The following CYYR1 variants were observed in gnomAD, a reference collection of about 807,000 sequenced individuals.
CYYR1 encodes the protein cysteine and tyrosine-rich protein 1.
A neutral mutation model predicts 15.2 loss-of-function variants in CYYR1; 14 were observed. The ratio of observed to expected loss-of-function variants is 0.92; its 90% CI spans 0.61 to 1.44. CYYR1 has a LOEUF of 1.44. CYYR1 is among the 40% of genes most tolerant of loss of function. CYYR1 has a pLI of 0.00. For synonymous variants in CYYR1, 80 were observed against 77.4 expected, an observed-to-expected ratio of 1.03 and a Z score of -0.18; for missense variants, 228 against 209.5, an observed-to-expected ratio of 1.09 and a Z score of -0.54.
At chr21:26,529,905 T>C (rs1292854582) in intron 2 of CYYR1, among the ~76,000 whole-genome samples, 1 of 152,202 alleles carries the variant, frequency 6.6e-6, no homozygotes, top group African/African-American at 2.4e-5. Context: ...AAAGGCTCCT[T>C]TCTTGAAAAC....
At chr21:26,476,575 C>T (rs902692090) in intron 3 of CYYR1, among the ~76,000 whole-genome samples, 1 of 133,194 alleles carries the variant, frequency 7.5e-6, no homozygotes, top group Non-Finnish European at 1.6e-5. Context: ...TGTTTGTCTA[C>T]CCTATCTATC....
chr21:26,502,792 A>C lies in CYYR1; in HGVS notation c.177-22363T>G, dbSNP rs191853364. 1.6e-3 allele frequency among the ~76,000 whole-genome samples: 245 copies of C among 151,886 alleles called. 1 individual carries two copies. Among genetic ancestry groups the C allele is most frequent in the Middle Eastern group, 3.4e-3 (1 of 294 alleles). ...CAGTGAGCTATAGGTAATGTTGGAGAAGAGATTTTTTAAAAAATCTCTTAT... is the reference window on the plus strand; with the variant it reads ...CAGTGAGCTATAGGTAATGTTGGAGCAGAGATTTTTTAAAAAATCTCTTAT... On this transcript the variant is annotated intron_variant, in intron 2 of 3. Transcript: ENST00000652641.
intron 2 of CYYR1, among the ~76,000 whole-genome samples, chr21:26,533,053 G>T (rs1450742856): frequency 6.6e-6 from 1 of 151,568 alleles, no homozygotes; most frequent in South Asian, 2.1e-4. Flanking sequence ...AAATACTTCT[G>T]GTCCCATGCA....
At chr21:26,567,001 T>G (rs1569181387) in intron 1 of CYYR1, among the ~76,000 whole-genome samples, 5 of 96,932 alleles carry the variant, frequency 5.2e-5, no homozygotes, top group Admixed American at 3.5e-4. Flanking sequence ...ACAGTGAGGC[T>G]CTGTCTCAAA....
At chr21:26,478,303 G>C (rs1478333553) in intron 3 of CYYR1, among the ~76,000 whole-genome samples, 1 of 152,036 alleles carries the variant, frequency 6.6e-6, no homozygotes, top group African/African-American at 2.4e-5. Context: ...ATTAAATCAG[G>C]GCAGACTCCA....
chr21:26,566,988 G>A (rs1212234520), intron 1 of CYYR1, among the ~76,000 whole-genome samples: 2 of 144,288 alleles, frequency 1.4e-5, no homozygotes, highest in African/African-American at 2.6e-5. Flanking sequence ...CAGCCTGGGC[G>A]ACACAGTGAG....
At position 26,466,609 on chromosome 21, in the gene CYYR1, C is replaced by T. The variant is rs1451505283; in HGVS notation, c.*1892G>A. On this transcript the variant is annotated 3_prime_UTR_variant, in exon 4 of 4. Transcript: ENST00000652641. ...ATGAGAAAACCCTATTTCTGCTGAT[C>T]TTTCCTTTCCGTTTTCCTTAAAGAA... 1 of 152,132 alleles carries T rather than the reference C, an allele frequency of 6.6e-6. No homozygotes were observed. Among genetic ancestry groups the T allele is most frequent in the Non-Finnish European group, 1.5e-5 (1 of 68,008 alleles). 9.4% of individuals were successfully genotyped at this position (152,132 alleles called of 1,614,324 possible). A position where few individuals can be genotyped will look rare whatever the true frequency, so the allele number is the denominator to read the frequency against.
chr21:26,510,244 G>T (rs2065628473), intron 2 of CYYR1, among the ~76,000 whole-genome samples: 1 of 152,122 alleles, frequency 6.6e-6, no homozygotes, highest in African/African-American at 2.4e-5. Flanking sequence ...TAGGAAACCT[G>T]CCCAGATAAG....
chr21:26,559,146 A>G (rs945354237), intron 2 of CYYR1, among the ~76,000 whole-genome samples: 1 of 152,184 alleles, frequency 6.6e-6, no homozygotes, highest in African/African-American at 2.4e-5. Context: ...CTTACGGAGT[A>G]TTTGAGCCCA....
chr21:26,564,170 C>T (rs748380003), intron 2 of CYYR1, among the ~76,000 whole-genome samples: 111 of 151,626 alleles, frequency 7.3e-4, no homozygotes, highest in South Asian at 2.7e-3. Context: ...CCTGCATCGC[C>T]GACCACCCAT....
At chr21:26,473,605 G>A (rs71317468) in intron 3 of CYYR1, among the ~76,000 whole-genome samples, 1 of 151,962 alleles carries the variant, frequency 6.6e-6, no homozygotes, top group Non-Finnish European at 1.5e-5. Context: ...GTCTGTCACC[G>A]CACCCTCTTT....
chr21:26,478,068 G>T, intron 3 of CYYR1: 1 of 1,549,430 alleles, frequency 6.5e-7, no homozygotes, highest in Non-Finnish European at 8.7e-7. Flanking sequence ...ACCAGGCCTG[G>T]TCTTACATGC....
chr21:26,512,968 C>G (rs2065670858), intron 2 of CYYR1, among the ~76,000 whole-genome samples: 1 of 152,192 alleles, frequency 6.6e-6, no homozygotes, highest in Non-Finnish European at 1.5e-5. Flanking sequence ...TTTTCACAAT[C>G]TGGATGCAGA....
chr21:26,539,732 G>A (rs1470407147), intron 2 of CYYR1, among the ~76,000 whole-genome samples: 2 of 152,132 alleles, frequency 1.3e-5, no homozygotes, highest in Non-Finnish European at 2.9e-5. Context: ...ATTTCAAAAT[G>A]TTGCTTCTTT....
chr21:26,508,137 G>A (rs1412694015), intron 2 of CYYR1, among the ~76,000 whole-genome samples: 2 of 152,182 alleles, frequency 1.3e-5, no homozygotes, highest in East Asian at 1.9e-4. Flanking sequence ...CCATGAGAGG[G>A]CATGGCATTT....
chr21:26,560,579 A>G (rs545363107), intron 2 of CYYR1, among the ~76,000 whole-genome samples: 2 of 152,280 alleles, frequency 1.3e-5, no homozygotes, highest in African/African-American at 2.4e-5. Context: ...TTTAAAATAT[A>G]TATTTATTAG....
chr21:26,484,475 G>A (rs1306535816), intron 2 of CYYR1, among the ~76,000 whole-genome samples: 3 of 152,022 alleles, frequency 2.0e-5, no homozygotes, highest in Non-Finnish European at 1.5e-5. Context: ...AGACATATTT[G>A]GATGTGTTGC....
intron 2 of CYYR1, among the ~76,000 whole-genome samples, 155 bp from the exon 3 acceptor site, chr21:26,480,584 A>G (rs2065165981): frequency 6.6e-6 from 1 of 150,808 alleles, no homozygotes; most frequent in African/African-American, 2.4e-5. Flanking sequence ...TTTAAAACCC[A>G]TAAGTTCCCT....
chr21:26,467,875 A>G lies in CYYR1; in HGVS notation c.*626T>C, dbSNP rs1171391459. 1 of 155,388 alleles carries G rather than the reference A, an allele frequency of 6.4e-6. No homozygotes were observed. The highest frequency in any genetic ancestry group is 2.4e-5 in the African/African-American group (1 of 41,454). 9.6% of individuals were successfully genotyped at this position (155,388 alleles called of 1,614,324 possible). A position where few individuals can be genotyped will look rare whatever the true frequency, so the allele number is the denominator to read the frequency against. On this transcript the variant is annotated 3_prime_UTR_variant, in exon 4 of 4. Transcript: ENST00000652641. ...AGAACTTCTGAGGCCCAATGAACCCATCTACTATTTGATTTTGTTATCCCT... is the reference window on the plus strand; with the variant it reads ...AGAACTTCTGAGGCCCAATGAACCCGTCTACTATTTGATTTTGTTATCCCT...
Sources: allele counts gnomAD v4.1 joint callset (sites outside exome capture counted in the v4.1 genomes callset), GRCh38; gene constraint gnomAD v4.1.1; transcripts MANE v1.5; gene names NCBI Gene and HGNC (gene_info 2026-07-23, HGNC 2026-07-21).